The following SLC24A3 variants were observed in gnomAD, a reference collection of about 807,000 sequenced individuals.
The protein encoded by SLC24A3 is sodium/potassium/calcium exchanger 3.
Under a neutral mutation model 75.8 loss-of-function variants are expected in SLC24A3, and 28 were observed. That is an observed-to-expected ratio of 0.37 (90% CI 0.27 to 0.51). The LOEUF is 0.51. SLC24A3 is among the 20% of genes least tolerant of loss of function. The pLI is 0.94. For synonymous variants in SLC24A3, 372 were observed against 334.1 expected (o/e 1.11, Z -1.24); for missense variants, 663 against 847.8 (o/e 0.78, Z 2.71).
At chr20:19,559,372 A>G (rs1214766031) in intron 3 of SLC24A3, among the ~76,000 whole-genome samples, 3 of 152,224 alleles carry the variant, frequency 2.0e-5, no homozygotes, top group South Asian at 2.1e-4. Context: ...TTCATAAGAT[A>G]CATAGCTTGT....
intron 2 of SLC24A3, among the ~76,000 whole-genome samples, chr20:19,400,179 T>G (rs1304416798): frequency 1.3e-5 from 2 of 152,196 alleles, no homozygotes; most frequent in Non-Finnish European, 2.9e-5. Flanking sequence ...CTTTGTACAG[T>G]TGGTCATTTT....
intron 2 of SLC24A3, among the ~76,000 whole-genome samples, chr20:19,461,224 A>G (rs1987665133): frequency 6.6e-6 from 1 of 151,812 alleles, no homozygotes; most frequent in Non-Finnish European, 1.5e-5. Flanking sequence ...GCCTGAGTTC[A>G]CTCCATGTTC....
chr20:19,616,914 TTC>T (rs1420938102), intron 6 of SLC24A3, among the ~76,000 whole-genome samples: 2 of 152,098 alleles, frequency 1.3e-5, no homozygotes, highest in Admixed American at 1.3e-4. Flanking sequence ...ATGCCCCGAG[TTC>T]TCCGTTGGGC....
intron 2 of SLC24A3, among the ~76,000 whole-genome samples, chr20:19,403,010 CA>C (rs1314847782): frequency 6.6e-6 from 1 of 152,098 alleles, no homozygotes; most frequent in Non-Finnish European, 1.5e-5. Context: ...TATAATTAAC[CA>C]TGTGTAGCTG....
intron 1 of SLC24A3, among the ~76,000 whole-genome samples, chr20:19,271,989 A>G (rs1287985662): frequency 6.6e-6 from 1 of 152,256 alleles, no homozygotes; most frequent in Non-Finnish European, 1.5e-5. Context: ...AAAAATTTTT[A>G]AAAAGAGGAC....
intron 3 of SLC24A3, among the ~76,000 whole-genome samples, chr20:19,546,107 C>T (rs1009090898): frequency 3.7e-5 from 5 of 134,764 alleles, no homozygotes; most frequent in South Asian, 2.3e-4. Context: ...TGCAGTGAGC[C>T]GAGATTGTGC....
intron 3 of SLC24A3, among the ~76,000 whole-genome samples, chr20:19,529,276 A>G (rs1446206814): frequency 2.6e-5 from 4 of 152,188 alleles, no homozygotes; most frequent in African/African-American, 9.7e-5. Flanking sequence ...GTCTGAACGT[A>G]GTTTGAAATG....
chr20:19,596,773 C>A (rs967507351), intron 6 of SLC24A3, among the ~76,000 whole-genome samples: 1 of 152,152 alleles, frequency 6.6e-6, no homozygotes, highest in African/African-American at 2.4e-5. Flanking sequence ...GAAATTGGCA[C>A]CTAGGAGCTC....
rs1298195197 is a variant in SLC24A3 at position 19,673,688 on chromosome 20, G to T, written c.767+34G>T. 4 of 1,566,062 alleles carry T rather than the reference G, an allele frequency of 2.6e-6. No individual in the cohort carries two copies. The South Asian group carries it at 4.4e-5, about 17-fold the overall frequency. ...AATTTTTCATTTCTTATCCAAAACT[G>T]TTTCTTGCATTCCACATTATGTGAT... On this transcript the variant is annotated intron_variant, in intron 9 of 16. Coordinates refer to ENST00000328041, the MANE Select transcript of SLC24A3 (RefSeq NM_020689.4).
At chr20:19,538,040 T>A (rs73281356) in intron 3 of SLC24A3, among the ~76,000 whole-genome samples, 19,162 of 150,936 alleles carry the variant, frequency 0.13, 1,347 homozygotes, top group East Asian at 0.17. Context: ...TAATAAAATT[T>A]AAAAAAAAAT....
chr20:19,540,452 T>A (rs1300300380), intron 3 of SLC24A3, among the ~76,000 whole-genome samples: 1 of 152,220 alleles, frequency 6.6e-6, no homozygotes, highest in Non-Finnish European at 1.5e-5. Context: ...ATTTTTTAAA[T>A]GCAAACTAAT....
rs1454206509 is a variant in SLC24A3, at chr20:19,467,113, T to C, written c.272-48375T>C. 2.6e-5 allele frequency among the ~76,000 whole-genome samples: 4 copies of C among 152,202 alleles called. No individual in the cohort carries two copies. The East Asian group carries it at 7.7e-4, about 29-fold the overall frequency. The stretch of plus-strand genomic sequence containing the variant: ...ATGAGCTTATTTGCATTTTGAAAGA[T>C]CACTCTAGCTGTTGGATGGGAAAAA... On this transcript the variant is annotated intron_variant, in intron 2 of 16. Coordinates refer to ENST00000328041, the MANE Select transcript of SLC24A3 (RefSeq NM_020689.4).
intron 3 of SLC24A3, among the ~76,000 whole-genome samples, chr20:19,545,617 C>G: frequency 6.6e-6 from 1 of 152,158 alleles, no homozygotes; most frequent in African/African-American, 2.4e-5. Context: ...CGTTGCCACC[C>G]CTCATCCCCA....
rs78064454 is a variant in SLC24A3 at position 19,403,635 on chromosome 20, G to A, written c.272-111853G>A. On this transcript the variant is annotated intron_variant, in intron 2 of 16. Transcript: ENST00000328041. Reference sequence around the variant, plus strand: ...GGGGCCTCAGACATAGCAGAAGGCAGCAGGGATGGCTCTTCTGGGGAAATA... The same window carrying A: ...GGGGCCTCAGACATAGCAGAAGGCAACAGGGATGGCTCTTCTGGGGAAATA... Among the ~76,000 whole-genome samples, 1,368 of 152,344 alleles carry A rather than the reference G, an allele frequency of 9.0e-3. 31 individuals carry two copies. Among genetic ancestry groups the A allele is most frequent in the African/African-American group, 0.031 (1,303 of 41,582 alleles).
intron 6 of SLC24A3, among the ~76,000 whole-genome samples, chr20:19,651,856 A>C (rs1206276919): frequency 6.7e-5 from 7 of 105,226 alleles, no homozygotes; most frequent in Non-Finnish European, 1.1e-4. Flanking sequence ...GAGAGACTCC[A>C]TCTCAAAAAA....
intron 6 of SLC24A3, among the ~76,000 whole-genome samples, chr20:19,613,881 G>A (rs1404486775): frequency 1.3e-5 from 2 of 152,232 alleles, no homozygotes; most frequent in African/African-American, 4.8e-5. Flanking sequence ...CAGTCTCCAT[G>A]TATTTTTCCC....
At chr20:19,475,294 G>C (rs775615310) in intron 2 of SLC24A3, among the ~76,000 whole-genome samples, 2 of 151,356 alleles carry the variant, frequency 1.3e-5, no homozygotes, top group Non-Finnish European at 2.9e-5. Context: ...AGCTGAGATC[G>C]CGCCACTACA....
chr20:19,532,303 GC>G (rs1318876961), intron 3 of SLC24A3, among the ~76,000 whole-genome samples: 1 of 152,136 alleles, frequency 6.6e-6, no homozygotes, highest in African/African-American at 2.4e-5. Context: ...CTTGCGGAAG[GC>G]CCCGCAGCCC....
At chr20:19,387,557 C>T (rs1373778480) in intron 2 of SLC24A3, among the ~76,000 whole-genome samples, 2 of 152,008 alleles carry the variant, frequency 1.3e-5, no homozygotes, top group Non-Finnish European at 2.9e-5. Context: ...TTTTAATTTT[C>T]TTTTTGATTT....
Sources: allele counts gnomAD v4.1 joint callset (sites outside exome capture counted in the v4.1 genomes callset), GRCh38; gene constraint gnomAD v4.1.1; transcripts MANE v1.5; gene names NCBI Gene and HGNC (gene_info 2026-07-23, HGNC 2026-07-21).